The following RASSF8 variants were observed in gnomAD, a reference collection of about 807,000 sequenced individuals.
The protein encoded by RASSF8 is ras association domain-containing protein 8.
In RASSF8, 22 loss-of-function variants were observed where a neutral mutation model predicts 48.5. The ratio of observed to expected loss-of-function variants is 0.45; its 90% CI spans 0.32 to 0.65. The LOEUF is 0.65. Among genes scored for constraint, RASSF8 ranks in the 30% least tolerant of loss-of-function variants. The pLI is 0.03. For synonymous variants in RASSF8, 127 were observed against 171.5 expected (o/e 0.74, Z 2.03); for missense variants, 418 against 489.2 (o/e 0.85, Z 1.37).
intron 2 of RASSF8, chr12:26,052,969 C>T (rs906443432): frequency 1.3e-5 from 2 of 152,102 alleles, no homozygotes; most frequent in Non-Finnish European, 2.9e-5. Context: ...AGATACCTAA[C>T]ATCAGATTTA....
intron 1 of RASSF8, among the ~76,000 whole-genome samples, chr12:25,983,601 G>A (rs1040993850): frequency 5.3e-5 from 8 of 152,000 alleles, no homozygotes; most frequent in Admixed American, 2.0e-4. Flanking sequence ...CCATAGTTTC[G>A]AAGGAAACTG....
At chr12:26,028,326 A>G (rs546400511) in intron 2 of RASSF8, among the ~76,000 whole-genome samples, 25 of 152,336 alleles carry the variant, frequency 1.6e-4, no homozygotes, top group Non-Finnish European at 2.9e-4. Context: ...GTATCAAAAG[A>G]TATGATGATG....
intron 2 of RASSF8, among the ~76,000 whole-genome samples, chr12:26,003,556 A>C (rs1343737880): frequency 6.6e-6 from 1 of 152,218 alleles, no homozygotes; most frequent in Non-Finnish European, 1.5e-5. Flanking sequence ...ATGAAATGGA[A>C]AAATGATAAC....
At chr12:26,043,920 T>C (rs1255990509) in intron 2 of RASSF8, among the ~76,000 whole-genome samples, 2 of 152,070 alleles carry the variant, frequency 1.3e-5, no homozygotes, top group Admixed American at 6.6e-5. Context: ...TGAGGGAGGG[T>C]GTTGGGACTA....
chr12:25,992,263 C>T (rs1223302958), intron 1 of RASSF8, among the ~76,000 whole-genome samples: 1 of 152,142 alleles, frequency 6.6e-6, no homozygotes, highest in Non-Finnish European at 1.5e-5. Flanking sequence ...GTGTCTCTGC[C>T]CTCAAGAAGA....
intron 2 of RASSF8, among the ~76,000 whole-genome samples, chr12:26,029,984 A>G (rs1942994886): frequency 6.6e-6 from 1 of 152,222 alleles, no homozygotes; most frequent in Admixed American, 6.5e-5. Context: ...TTATTTGTGC[A>G]TCACTTTATT....
intron 2 of RASSF8, among the ~76,000 whole-genome samples, chr12:26,031,576 A>G (rs1943031442): frequency 6.6e-6 from 1 of 152,208 alleles, no homozygotes; most frequent in African/African-American, 2.4e-5. Flanking sequence ...AAGCAACTAT[A>G]AAATTATAAG....
intron 4 of RASSF8, among the ~76,000 whole-genome samples, chr12:26,066,450 C>T (rs1009946522): frequency 6.6e-5 from 10 of 152,112 alleles, no homozygotes; most frequent in Admixed American, 3.3e-4. Flanking sequence ...CTCCTTTCTC[C>T]GTCATTATCT....
chr12:25,995,800 T>G (rs975247197), intron 2 of RASSF8, among the ~76,000 whole-genome samples: 1 of 152,194 alleles, frequency 6.6e-6, no homozygotes, highest in African/African-American at 2.4e-5. Context: ...TGACCTTGTT[T>G]GTAGTAGGTA....
At chr12:25,996,984 T>A (rs922160357) in intron 2 of RASSF8, among the ~76,000 whole-genome samples, 1 of 152,200 alleles carries the variant, frequency 6.6e-6, no homozygotes, top group Admixed American at 6.5e-5. Context: ...CTACTTAAAA[T>A]TTTTAATTTC....
chr12:26,055,733 T>G (rs1163211027), intron 3 of RASSF8, among the ~76,000 whole-genome samples: 1 of 152,212 alleles, frequency 6.6e-6, no homozygotes, highest in Non-Finnish European at 1.5e-5. Context: ...GATGTTTCCA[T>G]GAGCCAAAAT....
chr12:25,985,052 A>T (rs1213699077), intron 1 of RASSF8, among the ~76,000 whole-genome samples: 5 of 152,176 alleles, frequency 3.3e-5, no homozygotes, highest in African/African-American at 1.2e-4. Flanking sequence ...TTTCAGATGC[A>T]GATTCACACG....
In RASSF8 at chr12:26,071,958, T is replaced by G; in HGVS notation, c.*3140T>G. 1 of 985,420 alleles carries G rather than the reference T, an allele frequency of 1.0e-6. No individual in the cohort carries two copies. The highest frequency in any genetic ancestry group is 1.1e-4 in the East Asian group (1 of 8,824). The allele number at this position is 985,420 out of a possible 1,614,324, so 61.0% of individuals were successfully genotyped here. A position where few individuals can be genotyped will look rare whatever the true frequency, so the allele number is the denominator to read the frequency against. The stretch of plus-strand genomic sequence containing the variant: ...CTCTGTGAATAAGAGCAAAATGGTC[T>G]TCAGAGAAACAGACTGTTCATTTGA... On this transcript the variant is annotated 3_prime_UTR_variant, in exon 6 of 6. Coordinates refer to ENST00000689635, the MANE Select transcript of RASSF8 (RefSeq NM_001394098.1).
intron 2 of RASSF8, among the ~76,000 whole-genome samples, chr12:26,037,313 C>T (rs1943174602): frequency 6.6e-6 from 1 of 152,188 alleles, no homozygotes. Context: ...CTTTTGTCAC[C>T]TCCGTGGATC....
At chr12:25,983,727 C>T (rs982798629) in intron 1 of RASSF8, among the ~76,000 whole-genome samples, 1 of 151,924 alleles carries the variant, frequency 6.6e-6, no homozygotes, top group African/African-American at 2.4e-5. Flanking sequence ...GGAGAAAAAA[C>T]ATGGATTGTA....
At chr12:26,024,281 A>G (rs1412213944) in intron 2 of RASSF8, among the ~76,000 whole-genome samples, 4 of 152,186 alleles carry the variant, frequency 2.6e-5, no homozygotes, top group Non-Finnish European at 5.9e-5. Context: ...GATTACAGAT[A>G]TGAGCCACCA....
chr12:26,020,671 G>A (rs1226033645), intron 2 of RASSF8, among the ~76,000 whole-genome samples: 3 of 151,130 alleles, frequency 2.0e-5, no homozygotes, highest in Admixed American at 6.6e-5. Flanking sequence ...CAATATTTAA[G>A]TTTAAAAAAA....
intron 4 of RASSF8, among the ~76,000 whole-genome samples, chr12:26,067,063 CAAG>C (rs1023372854): frequency 2.0e-5 from 3 of 152,152 alleles, no homozygotes; most frequent in Non-Finnish European, 4.4e-5. Context: ...CTTACAAAAA[CAAG>C]AACTCTAAAT....
rs377200567 is a variant in RASSF8 at position 26,064,654 on chromosome 12, G to A, written c.260G>A (p.Arg87Gln). The A allele has an allele frequency of 1.9e-4, 303 of 1,613,986 alleles. No homozygotes were observed. Among genetic ancestry groups the A allele is most frequent in the Non-Finnish European group, 2.5e-4 (294 of 1,180,018 alleles). Residue 87 changes from arginine to glutamine, a missense_variant, in exon 4 of 6, where the codon CGA becomes CAA. Physicochemically the swap from Arg to Gln is conservative, Grantham distance 43. Transcript: ENST00000689635. ...CGAACTGGGCCGTCTCTCAGTGAGC[G>A]ACCCACTTCAGACAGTGTGGCTCGA... ...LRRTGPSLSERPTSDSVARIP... is the reference protein window; with the variant it reads ...LRRTGPSLSEQPTSDSVARIP...
Sources: allele counts gnomAD v4.1 joint callset (sites outside exome capture counted in the v4.1 genomes callset), GRCh38; gene constraint gnomAD v4.1.1; transcripts MANE v1.5; gene names NCBI Gene and HGNC (gene_info 2026-07-23, HGNC 2026-07-21).